The following IL7 variants were observed in gnomAD, a reference collection of about 807,000 sequenced individuals.
The protein encoded by IL7 is interleukin 7.
IL7 carries 3 observed loss-of-function variants against 21.6 expected under a neutral mutation model. That is an observed-to-expected ratio of 0.14 (90% confidence interval 0.06 to 0.36). The LOEUF (loss-of-function observed/expected upper bound fraction) is 0.36. Ranked by LOEUF, IL7 falls within the 10% of genes least tolerant of loss-of-function variation. IL7 has a pLI of 1.00. For synonymous variants in IL7, 62 were observed against 68.1 expected (o/e 0.91, Z 0.44); for missense variants, 175 against 200.2 (o/e 0.87, Z 0.76).
At chr8:78,773,279 G>T (rs1398489413) in intron 2 of IL7, among the ~76,000 whole-genome samples, 1 of 152,060 alleles carries the variant, frequency 6.6e-6, no homozygotes, top group African/African-American at 2.4e-5. Flanking sequence ...GGAAACCAAA[G>T]TACCCAGAGA....
chr8:78,772,178 C>T (rs1313100493), intron 2 of IL7, among the ~76,000 whole-genome samples: 1 of 152,134 alleles, frequency 6.6e-6, no homozygotes, highest in Non-Finnish European at 1.5e-5. Context: ...TGCCTGGTTA[C>T]AAAGCCCATG....
In IL7 at chr8:78,781,494, A is replaced by G. The variant is rs552182797; in HGVS notation, c.147+16578T>C. On this transcript the variant is annotated intron_variant, in intron 2 of 5. Coordinates refer to ENST00000263851, the MANE Select transcript of IL7 (RefSeq NM_000880.4). The stretch of plus-strand genomic sequence containing the variant: ...CTTATGAAGCTTAGTTTCACTGGAT[A>G]TGAAATTCTGGTTAGAAACATTTTT... 5.9e-5 allele frequency among the ~76,000 whole-genome samples: 9 copies of G among 152,320 alleles called. No individual in the cohort carries two copies. In the East Asian group the frequency reaches 1.2e-3, roughly 20 times the overall value.
At chr8:78,709,131 T>C (rs1331165469) in intron 3 of IL7, among the ~76,000 whole-genome samples, 1 of 152,200 alleles carries the variant, frequency 6.6e-6, no homozygotes, top group Non-Finnish European at 1.5e-5. Flanking sequence ...AGTGAAACTA[T>C]CAAATATCAG....
chr8:78,788,073 A>G (rs990554285), intron 2 of IL7, among the ~76,000 whole-genome samples: 2 of 152,138 alleles, frequency 1.3e-5, no homozygotes, highest in Non-Finnish European at 2.9e-5. Context: ...CATTATCTTT[A>G]TAATATCCAT....
chr8:78,697,952 A>G (rs537093951), intron 3 of IL7, among the ~76,000 whole-genome samples: 3 of 152,310 alleles, frequency 2.0e-5, no homozygotes, highest in East Asian at 3.9e-4. Context: ...TGCTGAGATT[A>G]CTGGCGTGAG....
At position 78,805,031 on chromosome 8, in the gene IL7, C is replaced by A; in HGVS notation, c.-109G>T. 2.4e-6 allele frequency: 3 copies of A among 1,226,198 alleles called. No homozygotes were observed. The highest frequency in any genetic ancestry group is 3.5e-6 in the Non-Finnish European group (3 of 868,948). The allele number at this position is 1,226,198 out of a possible 1,614,324, so 76.0% of individuals were successfully genotyped here. Reference sequence around the variant, plus strand: ...CTGGTCTTCCGCGGAGTTGCCGAGTCTGTGTTGGGCAGGGTGATCTCTGCA... The same window carrying A: ...CTGGTCTTCCGCGGAGTTGCCGAGTATGTGTTGGGCAGGGTGATCTCTGCA... On this transcript the variant is annotated 5_prime_UTR_variant, in exon 1 of 6. Coordinates refer to ENST00000263851, the MANE Select transcript of IL7 (RefSeq NM_000880.4).
At chr8:78,753,984 G>T (rs1812263673) in intron 2 of IL7, among the ~76,000 whole-genome samples, 1 of 151,936 alleles carries the variant, frequency 6.6e-6, no homozygotes, top group South Asian at 2.1e-4. Flanking sequence ...TTGAAAACTG[G>T]TACAAAACAA....
intron 1 of IL7, among the ~76,000 whole-genome samples, 157 bp downstream of exon 1, chr8:78,804,756 G>C (rs1049949854): frequency 1.3e-5 from 2 of 152,230 alleles, no homozygotes; most frequent in African/African-American, 4.8e-5. Flanking sequence ...AGGCGCGGCT[G>C]TTGGCTGCCC....
At chr8:78,752,119 C>G (rs1030393526) in intron 2 of IL7, among the ~76,000 whole-genome samples, 5 of 152,116 alleles carry the variant, frequency 3.3e-5, no homozygotes, top group African/African-American at 1.2e-4. Flanking sequence ...TTTTTTATAC[C>G]TGAAGGTTAT....
intron 2 of IL7, among the ~76,000 whole-genome samples, chr8:78,743,828 T>A (rs1470347188): frequency 6.6e-6 from 1 of 152,136 alleles, no homozygotes; most frequent in Non-Finnish European, 1.5e-5. Flanking sequence ...ATTTGGCCAA[T>A]TTTCCATAGG....
At chr8:78,702,978 C>A (rs1468567430) in intron 3 of IL7, among the ~76,000 whole-genome samples, 1 of 152,040 alleles carries the variant, frequency 6.6e-6, no homozygotes, top group Non-Finnish European at 1.5e-5. Flanking sequence ...CTCGCTGCAA[C>A]CTCTGCCTCC....
intron 2 of IL7, among the ~76,000 whole-genome samples, chr8:78,759,105 C>G (rs1812455316): frequency 6.8e-6 from 1 of 147,962 alleles, no homozygotes; most frequent in Non-Finnish European, 1.5e-5. Flanking sequence ...TTTAAAAGAC[C>G]AAGTTCAAAA....
intron 2 of IL7, among the ~76,000 whole-genome samples, chr8:78,780,385 GCT>G (rs1813289502): frequency 2.0e-5 from 3 of 152,000 alleles, no homozygotes; most frequent in African/African-American, 7.2e-5. Flanking sequence ...TAAATTTCTC[GCT>G]TAACACTGCT....
intron 4 of IL7, among the ~76,000 whole-genome samples, chr8:78,677,648 CTT>C (rs76888359): frequency 6.8e-6 from 1 of 147,978 alleles, no homozygotes; most frequent in East Asian, 2.0e-4. Context: ...TTAGTGGAGA[CTT>C]TTTTTTTTGC....
intron 3 of IL7, among the ~76,000 whole-genome samples, chr8:78,696,277 A>T (rs1175524892): frequency 6.6e-6 from 1 of 152,070 alleles, no homozygotes; most frequent in African/African-American, 2.4e-5. Flanking sequence ...CTTGTGATCC[A>T]CCTGCCTCGG....
At chr8:78,758,195 T>C (rs1812417557) in intron 2 of IL7, among the ~76,000 whole-genome samples, 1 of 152,090 alleles carries the variant, frequency 6.6e-6, no homozygotes, top group Non-Finnish European at 1.5e-5. Flanking sequence ...TTGGGTCTTT[T>C]GTGTTTTCTT....
chr8:78,675,375 T>C (rs1809548120), downstream of IL7, among the ~76,000 whole-genome samples: 1 of 151,986 alleles, frequency 6.6e-6, no homozygotes. Context: ...CTTCAAATCA[T>C]CTCAGGAAGT....
chr8:78,687,047 G>A (rs1026075886), intron 3 of IL7, among the ~76,000 whole-genome samples: 1 of 151,948 alleles, frequency 6.6e-6, no homozygotes, highest in African/African-American at 2.4e-5. Flanking sequence ...CATGTGGCTC[G>A]ACTACATTTA....
At chr8:78,713,621 C>T (rs1350182328), downstream of IL7, among the ~76,000 whole-genome samples, 1 of 152,072 alleles carries the variant, frequency 6.6e-6, no homozygotes, top group Admixed American at 6.6e-5. Context: ...TTGGAGTGAG[C>T]ATTTGAAGAG....
Sources: allele counts gnomAD v4.1 joint callset (sites outside exome capture counted in the v4.1 genomes callset), GRCh38; gene constraint gnomAD v4.1.1; transcripts MANE v1.5; gene names NCBI Gene and HGNC (gene_info 2026-07-23, HGNC 2026-07-21).